PRKCE: variants seen among roughly 807,000 people sequenced by gnomAD.
PRKCE encodes the protein protein kinase C epsilon, also known as protein kinase C epsilon type.
PRKCE carries 16 observed loss-of-function variants against 85.4 expected under a neutral mutation model. The ratio of observed to expected loss-of-function variants is 0.19; its 90% CI spans 0.13 to 0.28. PRKCE has a LOEUF of 0.28. Among genes scored for constraint, PRKCE ranks in the 10% least tolerant of loss-of-function variants. PRKCE has a pLI of 1.00. For synonymous variants in PRKCE, 388 were observed against 371.5 expected (o/e 1.04, Z -0.51); for missense variants, 573 against 975.2 (o/e 0.59, Z 5.49).
intron 1 of PRKCE, chr2:45,674,707 T>A (rs1186729308): frequency 6.6e-6 from 1 of 152,156 alleles, no homozygotes; most frequent in Non-Finnish European, 1.5e-5. Flanking sequence ...AAAATAAAAC[T>A]CCAGCTTCTT....
At chr2:45,995,334 G>T (rs750755404) in intron 6 of PRKCE, among the ~76,000 whole-genome samples, 7 of 151,944 alleles carry the variant, frequency 4.6e-5, no homozygotes, top group Non-Finnish European at 8.8e-5. Context: ...CAGAGCAAAA[G>T]TTTTTTATTT....
intron 14 of PRKCE, among the ~76,000 whole-genome samples, chr2:46,181,917 G>C (rs1158348620): frequency 1.3e-5 from 2 of 152,094 alleles, no homozygotes; most frequent in Non-Finnish European, 2.9e-5. Flanking sequence ...GATGGTGAAG[G>C]CATCTCCTGC....
At chr2:46,011,494 G>C (rs1000982524) in intron 10 of PRKCE, among the ~76,000 whole-genome samples, 1 of 152,080 alleles carries the variant, frequency 6.6e-6, no homozygotes, top group Non-Finnish European at 1.5e-5. Flanking sequence ...AGATACAGTG[G>C]TGAACTAGAC....
intron 10 of PRKCE, among the ~76,000 whole-genome samples, chr2:46,037,034 G>C (rs1391647861): frequency 1.3e-5 from 2 of 152,164 alleles, no homozygotes; most frequent in Non-Finnish European, 2.9e-5. Context: ...CTCCTCGCCT[G>C]CCTTCCCACA....
rs760248499 is a variant in PRKCE at position 46,184,750 on chromosome 2, G to A, written c.2083G>A (p.Val695Ile). The change falls in exon 15 of 15, where the codon GTC (valine) becomes ATC (isoleucine). Residue 695 changes from valine (V) to isoleucine (I), a missense_variant. Physicochemically the swap from Val to Ile is conservative, Grantham distance 29 (BLOSUM62 3). This residue lies in a region of PRKCE where 72 missense variants were observed against 166.0 expected (regional missense o/e 0.43). Transcript: ENST00000306156. The surrounding 1 kb of genome is among the most constrained non-coding windows in gnomAD (Gnocchi z 5.0). ...FKPRIKTKRD[V>I]NNFDQDFTRE... ...CTTCCCACAGAAAACCAAAAGAGAC[G>A]TCAATAATTTTGACCAAGACTTTAC... 6.9e-6 allele frequency: 11 copies of A among 1,599,518 alleles called. No homozygotes were observed. Among genetic ancestry groups the A allele is most frequent in the South Asian group, 1.1e-5 (1 of 91,054 alleles).
Position 46,004,484 on chromosome 2 carries a change from C to G in PRKCE, c.967-58C>G. 7.2e-7 allele frequency: 1 copy of G among 1,381,770 alleles called. No homozygotes were observed. Among genetic ancestry groups the G allele is most frequent in the South Asian group, 1.2e-5 (1 of 80,714 alleles). 85.6% of individuals were successfully genotyped at this position (1,381,770 alleles called of 1,614,324 possible). The stretch of plus-strand genomic sequence containing the variant: ...TACGGCATCTTGATGCTTTTGACAT[C>G]AGAAAACTCTCAACCCTCCCTTCTG... On this transcript the variant is annotated intron_variant, in intron 7 of 14. Coordinates refer to ENST00000306156, the MANE Select transcript of PRKCE (RefSeq NM_005400.3). This position sits in a 1 kb window ranked among gnomAD's most constrained non-coding sequence, Gnocchi z 4.1.
intron 1 of PRKCE, among the ~76,000 whole-genome samples, chr2:45,784,444 C>T (rs531051650): frequency 1.1e-4 from 16 of 152,244 alleles, no homozygotes; most frequent in Admixed American, 3.3e-4. Flanking sequence ...TGGGATTTGC[C>T]GGAGAAACTT....
intron 1 of PRKCE, among the ~76,000 whole-genome samples, chr2:45,716,689 G>GA (rs59133418): frequency 1.9e-5 from 1 of 52,706 alleles, no homozygotes; most frequent in African/African-American, 8.9e-5. Context: ...AGAAGAAGAA[G>GA]AGAAGGAAGG....
In PRKCE at chr2:46,001,301, T is replaced by C; in HGVS notation, c.824-103T>C. ...TGTATTTTCCAAATTATATCTTAAA[T>C]GAACATGTAATACTTCATGAACATA... On this transcript the variant is annotated intron_variant, in intron 6 of 14. Coordinates refer to ENST00000306156, the MANE Select transcript of PRKCE (RefSeq NM_005400.3). The surrounding 1 kb of genome is among the most constrained non-coding windows in gnomAD (Gnocchi z 4.4). 1 of 1,035,914 alleles carries C rather than the reference T, an allele frequency of 9.7e-7. No homozygotes were observed. The highest frequency in any genetic ancestry group is 1.3e-6 in the Non-Finnish European group (1 of 782,428). The allele number at this position is 1,035,914 out of a possible 1,614,324, so 64.2% of individuals were successfully genotyped here. A position where few individuals can be genotyped will look rare whatever the true frequency, so the allele number is the denominator to read the frequency against.
chr2:45,926,630 C>T (rs1267353369), intron 2 of PRKCE, among the ~76,000 whole-genome samples: 1 of 152,194 alleles, frequency 6.6e-6, no homozygotes, highest in African/African-American at 2.4e-5. Context: ...ATTTGTAAGC[C>T]AGTGCTTTCT....
intron 1 of PRKCE, among the ~76,000 whole-genome samples, chr2:45,796,183 T>A (rs537775403): frequency 1.2e-4 from 18 of 152,308 alleles, no homozygotes; most frequent in African/African-American, 4.3e-4. Flanking sequence ...CTGCCCCAGT[T>A]AGTTGTCTTA....
At chr2:46,162,369 T>C (rs1484934423) in intron 14 of PRKCE, among the ~76,000 whole-genome samples, 1 of 152,158 alleles carries the variant, frequency 6.6e-6, no homozygotes, top group Non-Finnish European at 1.5e-5. Context: ...CCTGAGAGGA[T>C]GGCAAAGAGA....
chr2:45,752,729 C>T (rs1424592909), intron 1 of PRKCE, among the ~76,000 whole-genome samples: 1 of 152,210 alleles, frequency 6.6e-6, no homozygotes, highest in Non-Finnish European at 1.5e-5. Flanking sequence ...TTGTACCATG[C>T]AGGCAGGCAG....
At chr2:45,678,832 T>C (rs1326026195) in intron 1 of PRKCE, among the ~76,000 whole-genome samples, 2 of 152,226 alleles carry the variant, frequency 1.3e-5, no homozygotes, top group Non-Finnish European at 2.9e-5. Flanking sequence ...GCAAGTATAA[T>C]GAAGAGATAC....
chr2:46,109,450 A>C lies in PRKCE; in HGVS notation c.1592+23088A>C, dbSNP rs554964142. Among the ~76,000 whole-genome samples, 158 of 152,146 alleles carry C rather than the reference A, an allele frequency of 1.0e-3. 1 individual carries two copies. The highest frequency in any genetic ancestry group is 3.7e-3 in the African/African-American group (154 of 41,524). ...TGTTAGATTTATACCTAAGCATGTA[A>C]TTTTTTTGTGTGCTACTGAAAACGA... On this transcript the variant is annotated intron_variant, in intron 11 of 14. Transcript: ENST00000306156.
chr2:46,007,060 G>C (rs920223513), intron 8 of PRKCE, among the ~76,000 whole-genome samples: 4 of 152,160 alleles, frequency 2.6e-5, no homozygotes, highest in Admixed American at 2.0e-4. Flanking sequence ...TTCTTGATTC[G>C]TTGTTCTCAT....
intron 1 of PRKCE, among the ~76,000 whole-genome samples, chr2:45,805,522 C>T (rs1348746477): frequency 6.6e-6 from 1 of 152,020 alleles, no homozygotes. Flanking sequence ...AGTGCACACC[C>T]TGGGAATTAA....
chr2:45,810,998 G>GTA (rs1356328522), intron 1 of PRKCE, among the ~76,000 whole-genome samples: 1 of 152,158 alleles, frequency 6.6e-6, no homozygotes, highest in African/African-American at 2.4e-5. Context: ...TGTTAAGGGA[G>GTA]TATATTTGCT....
Position 45,774,294 on chromosome 2 carries a change from G to A in PRKCE, c.349-68706G>A, listed in dbSNP as rs371670280. ...CCTCACGGGAGGTGATCGGACACCA[G>A]CCTGGCAGGGCAGCCTCATCTCATC... is the stretch of plus-strand genomic sequence containing the variant. On this transcript the variant is annotated intron_variant, in intron 1 of 14. Transcript: ENST00000306156. This position sits in a 1 kb window ranked among gnomAD's most constrained non-coding sequence, Gnocchi z 4.3. Among the ~76,000 whole-genome samples, 24 of 152,276 alleles carry A rather than the reference G, an allele frequency of 1.6e-4. No individual in the cohort carries two copies. Among genetic ancestry groups the A allele is most frequent in the East Asian group, 1.4e-3 (7 of 5,146 alleles).
Sources: gnomAD v4.1 joint callset for allele counts (sites outside exome capture counted in the v4.1 genomes callset) on GRCh38, gnomAD v4.1.1 for gene constraint, gnomAD v4.1.1 regional missense constraint, Gnocchi (gnomAD v3.1) non-coding constraint, MANE v1.5 for transcripts, NCBI Gene and HGNC (gene_info 2026-07-23, HGNC 2026-07-21) for gene names.